SNX27: variants seen among roughly 807,000 people sequenced by gnomAD.
The protein encoded by SNX27 is sorting nexin 27, also known as sorting nexin-27.
A neutral mutation model predicts 71.6 loss-of-function variants in SNX27; 22 were observed. That is an observed-to-expected ratio of 0.31 (90% CI 0.22 to 0.44). The LOEUF (loss-of-function observed/expected upper bound fraction) is 0.44. SNX27 is among the 20% of genes least tolerant of loss of function. The pLI is 1.00. For synonymous variants in SNX27, 269 were observed against 277.2 expected, an observed-to-expected ratio of 0.97 and a Z score of 0.29; for missense variants, 531 against 698.6, an observed-to-expected ratio of 0.76 and a Z score of 2.70.
chr1:151,688,659 T>C (rs2102734949), intron 8 of SNX27, among the ~76,000 whole-genome samples: 1 of 152,132 alleles, frequency 6.6e-6, no homozygotes, highest in East Asian at 1.9e-4. Flanking sequence ...TTCACCTGTT[T>C]TTACGAATTT....
At chr1:151,664,202 TA>T (rs1670092596) in intron 5 of SNX27, among the ~76,000 whole-genome samples, 1 of 15,588 alleles carries the variant, frequency 6.4e-5, no homozygotes, top group Non-Finnish European at 1.2e-3. Context: ...AATATACAAA[TA>T]ATATATATTT....
At chr1:151,625,635 A>G (rs1177566008) in intron 1 of SNX27, among the ~76,000 whole-genome samples, 1 of 151,864 alleles carries the variant, frequency 6.6e-6, no homozygotes, top group East Asian at 1.9e-4. Flanking sequence ...CATGAGTTCA[A>G]GACCAGCTGA....
intron 7 of SNX27, chr1:151,678,598 A>G (rs1356080055): frequency 6.6e-6 from 1 of 152,156 alleles, no homozygotes; most frequent in East Asian, 1.9e-4. Context: ...CCTTTTTTCA[A>G]TATACCCAGA....
At position 151,694,517 on chromosome 1, in the gene SNX27, G is replaced by A. The variant is rs1205686526; in HGVS notation, c.*100G>A. The A allele has an allele frequency of 1.2e-5, 14 of 1,214,764 alleles. No homozygotes were observed. Among genetic ancestry groups the A allele is most frequent in the Admixed American group, 5.7e-5 (2 of 35,166 alleles). 75.2% of individuals were successfully genotyped at this position (1,214,764 alleles called of 1,614,324 possible). The stretch of plus-strand genomic sequence containing the variant: ...CCATTAACAAAAAAGAAGAGAAAAA[G>A]TTAAAGTCGTTATATTCAAAAGCCC... On this transcript the variant is annotated 3_prime_UTR_variant, in exon 12 of 12. Transcript: ENST00000458013.
At chr1:151,667,178 G>C (rs1238787664) in intron 6 of SNX27, 1 of 135,616 alleles carries the variant, frequency 7.4e-6, no homozygotes, top group Non-Finnish European at 1.5e-5. Context: ...GAGCCTAGGA[G>C]GTTAAGGCTA....
intron 7 of SNX27, among the ~76,000 whole-genome samples, chr1:151,674,046 T>C (rs1033672484): frequency 1.3e-5 from 2 of 152,162 alleles, no homozygotes; most frequent in African/African-American, 2.4e-5. Flanking sequence ...TCAGTGTTCC[T>C]ATTGATAAGT....
chr1:151,639,993 CTG>C (rs1313679429), intron 2 of SNX27, among the ~76,000 whole-genome samples: 2 of 152,192 alleles, frequency 1.3e-5, no homozygotes, highest in African/African-American at 4.8e-5. Flanking sequence ...GTCTCTAAAA[CTG>C]AGATTTATCC....
intron 1 of SNX27, among the ~76,000 whole-genome samples, chr1:151,635,232 G>T (rs1381274695): frequency 6.6e-6 from 1 of 152,172 alleles, no homozygotes; most frequent in Non-Finnish European, 1.5e-5. Context: ...TAGTTACCAT[G>T]TTCTAGAGCT....
chr1:151,683,814 G>A (rs1671074067), intron 8 of SNX27, among the ~76,000 whole-genome samples: 1 of 151,990 alleles, frequency 6.6e-6, no homozygotes, highest in South Asian at 2.1e-4. Flanking sequence ...CTACAGGCAT[G>A]TGCCACCACA....
chr1:151,668,724 C>T, intron 7 of SNX27, 89 bp downstream of exon 7: 1 of 1,228,200 alleles, frequency 8.1e-7, no homozygotes. Context: ...AATCCTTAGA[C>T]AGGCTGCTTT....
chr1:151,692,542 G>T lies in SNX27; in HGVS notation c.1347G>T (p.Thr449=), dbSNP rs781281484. 1.9e-6 allele frequency: 3 copies of T among 1,606,690 alleles called. No individual in the cohort carries two copies. The highest frequency in any genetic ancestry group is 2.6e-6 in the Non-Finnish European group (3 of 1,176,446). The change falls in exon 9 of 12, where the codon ACG becomes ACT. Residue 449 remains threonine, a synonymous_variant. Coordinates refer to ENST00000458013, the MANE Select transcript of SNX27 (RefSeq NM_001330723.2). ...ACGTTATCACAGCCATCAGCATCAC[G>T]CACTTTAAACTGCATGCCTGCACTG... ...KGHVITAISI[T]HFKLHACTEE...
chr1:151,660,200 T>A (rs2102680259), intron 3 of SNX27: 1 of 151,986 alleles, frequency 6.6e-6, no homozygotes, highest in African/African-American at 2.4e-5. Flanking sequence ...CTACCTACCT[T>A]ACCTGCCGGC....
intron 8 of SNX27, among the ~76,000 whole-genome samples, chr1:151,690,730 A>T (rs756854677): frequency 2.2e-4 from 33 of 152,138 alleles, no homozygotes; most frequent in Admixed American, 2.0e-4. Flanking sequence ...TACAAGTGTG[A>T]GCCACCATGC....
rs1668794983 is a variant in SNX27, at chr1:151,641,998, TATATATATCAGATATAGATATATATGAG to T, written c.543+2888_543+2915del. Among the ~76,000 whole-genome samples the T allele has an allele frequency of 2.1e-5, 3 of 144,708 alleles. No homozygotes were observed. In the Admixed American group the frequency reaches 2.1e-4, roughly 10 times the overall value. 94.9% of individuals were successfully genotyped at this position (144,708 alleles called of 152,430 possible). On this transcript the variant is annotated intron_variant, in intron 2 of 11. Coordinates refer to ENST00000458013, the MANE Select transcript of SNX27 (RefSeq NM_001330723.2). ...ATATCAGATATAGATATATATGAGATATATATATCAGATATAGATATATATGAGATATATATATATCAGATATATATGA... is the reference window on the plus strand; with the variant it reads ...ATATCAGATATAGATATATATGAGATATATATATATATCAGATATATATGA...
At chr1:151,668,932 C>T (rs1670335702) in intron 7 of SNX27, among the ~76,000 whole-genome samples, 2 of 152,226 alleles carry the variant, frequency 1.3e-5, no homozygotes, top group East Asian at 3.9e-4. Flanking sequence ...CAATATTATA[C>T]ATACATAGAG....
In SNX27 at chr1:151,649,554, A is replaced by G. The variant is rs533179888; in HGVS notation, c.544-8681A>G. Among the ~76,000 whole-genome samples the G allele has an allele frequency of 2.6e-5, 4 of 152,322 alleles. No individual in the cohort carries two copies. In the East Asian group the frequency reaches 7.7e-4, roughly 29 times the overall value. On this transcript the variant is annotated intron_variant, in intron 2 of 11. Coordinates refer to ENST00000458013, the MANE Select transcript of SNX27 (RefSeq NM_001330723.2). ...GCTGTGGTCATACCACTCCACTCCA[A>G]CCTGGGAGACAGAGCTAAACCCTGT...
chr1:151,644,865 A>G (rs181601667), intron 2 of SNX27, among the ~76,000 whole-genome samples: 45 of 151,992 alleles, frequency 3.0e-4, no homozygotes, highest in African/African-American at 1.1e-3. Context: ...GTGGCGCAAT[A>G]TTGGCCCACT....
At chr1:151,623,885 T>C (rs2102603222) in intron 1 of SNX27, among the ~76,000 whole-genome samples, 1 of 152,346 alleles carries the variant, frequency 6.6e-6, no homozygotes, top group African/African-American at 2.4e-5. Context: ...CATCAGAACT[T>C]ACTTTAAGAC....
intron 2 of SNX27, among the ~76,000 whole-genome samples, chr1:151,652,139 C>T (rs1388338189): frequency 6.9e-6 from 1 of 145,124 alleles, no homozygotes; most frequent in Non-Finnish European, 1.5e-5. Flanking sequence ...GAGATGGCAG[C>T]AGTACAGTCC....
Sources: allele counts gnomAD v4.1 joint callset (sites outside exome capture counted in the v4.1 genomes callset), GRCh38; gene constraint gnomAD v4.1.1; transcripts MANE v1.5; gene names NCBI Gene and HGNC (gene_info 2026-07-23, HGNC 2026-07-21).